Variants in AP3B1 observed in about 807,000 individuals in gnomAD.
AP3B1 encodes adaptor related protein complex 3 subunit beta 1.
In AP3B1, 61 loss-of-function variants were observed where a neutral mutation model predicts 132.5. The ratio of observed to expected loss-of-function variants is 0.46; its 90% CI spans 0.37 to 0.57. The LOEUF is 0.57. AP3B1 is among the 20% of genes least tolerant of loss of function. The pLI, the probability that AP3B1 is intolerant of heterozygous loss-of-function variation, is 0.00. For missense variants in AP3B1, 1,120 were observed against 1,289.4 expected, an observed-to-expected ratio of 0.87 and a Z score of 2.01; for synonymous variants, 388 against 438.3, an observed-to-expected ratio of 0.89 and a Z score of 1.43.
intron 22 of AP3B1, among the ~76,000 whole-genome samples, chr5:78,086,398 A>G (rs545070459): frequency 6.6e-6 from 1 of 152,324 alleles, no homozygotes; most frequent in Admixed American, 6.5e-5. Flanking sequence ...ATCATTTAAT[A>G]CCAACAACAA....
At chr5:78,053,673 C>A (rs1219593837) in intron 22 of AP3B1, among the ~76,000 whole-genome samples, 1 of 99,832 alleles carries the variant, frequency 1.0e-5, no homozygotes, top group Non-Finnish European at 2.0e-5. Context: ...AGCAAGACTC[C>A]ATCTCAAAAA....
At chr5:78,239,210 C>T (rs1747007656) in intron 3 of AP3B1, among the ~76,000 whole-genome samples, 1 of 152,050 alleles carries the variant, frequency 6.6e-6, no homozygotes, top group Non-Finnish European at 1.5e-5. Context: ...ATGGCTCATG[C>T]CTATAATCCC....
chr5:78,119,993 T>C (rs567928046), intron 17 of AP3B1, among the ~76,000 whole-genome samples: 8 of 152,298 alleles, frequency 5.3e-5, no homozygotes, highest in South Asian at 4.1e-4. Context: ...GCTGATCTCT[T>C]GGCAGAAACT....
At chr5:78,047,846 T>A (rs1748408107) in intron 22 of AP3B1, among the ~76,000 whole-genome samples, 1 of 152,228 alleles carries the variant, frequency 6.6e-6, no homozygotes, top group Non-Finnish European at 1.5e-5. Flanking sequence ...CATGAAATTG[T>A]TGCAAATTAA....
intron 11 of AP3B1, among the ~76,000 whole-genome samples, chr5:78,172,335 C>G (rs1201451060): frequency 6.6e-6 from 1 of 152,138 alleles, no homozygotes. Context: ...CTCTTTGTAC[C>G]TCTGGTAGAA....
intron 1 of AP3B1, among the ~76,000 whole-genome samples, chr5:78,275,523 T>G (rs1202671445): frequency 2.6e-5 from 4 of 152,160 alleles, no homozygotes; most frequent in Admixed American, 2.6e-4. Flanking sequence ...GTCACCAGGT[T>G]GGAGTGCAGT....
chr5:78,269,553 A>G (rs1033796317), intron 1 of AP3B1, among the ~76,000 whole-genome samples: 4 of 152,328 alleles, frequency 2.6e-5, no homozygotes, highest in African/African-American at 7.2e-5. Flanking sequence ...TATGTAGTGT[A>G]AATTACCTCT....
At chr5:78,038,884 GT>G (rs1270059989) in intron 23 of AP3B1, among the ~76,000 whole-genome samples, 158 bp downstream of exon 23, 21 of 152,248 alleles carry the variant, frequency 1.4e-4, no homozygotes, top group Middle Eastern at 3.4e-3. Context: ...GATAAATTCA[GT>G]TTAACAAGAA....
rs1377852153 is a variant in AP3B1, at chr5:78,175,848, A to C, written c.1041-10T>G. The C allele has an allele frequency of 6.2e-7, 1 of 1,604,188 alleles. No individual in the cohort carries two copies. Among genetic ancestry groups the C allele is most frequent in the Admixed American group, 1.7e-5 (1 of 60,010 alleles). On this transcript the variant is annotated splice_polypyrimidine_tract_variant and intron_variant, in intron 9 of 26. Transcript: ENST00000255194. ...AATATACTGCACCTCCCTAGAAATCAAAAGATAATTTTTACTGGGTATATG... is the reference window on the plus strand; with the variant it reads ...AATATACTGCACCTCCCTAGAAATCCAAAGATAATTTTTACTGGGTATATG...
At chr5:78,079,526 A>C (rs1749902703) in intron 22 of AP3B1, among the ~76,000 whole-genome samples, 2 of 152,178 alleles carry the variant, frequency 1.3e-5, no homozygotes, top group African/African-American at 2.4e-5. Context: ...GGTATATACA[A>C]AGATTGATTT....
intron 7 of AP3B1, among the ~76,000 whole-genome samples, chr5:78,195,891 T>G (rs576924771): frequency 6.6e-6 from 1 of 152,218 alleles, no homozygotes; most frequent in African/African-American, 2.4e-5. Flanking sequence ...TAACTCAAAA[T>G]GGGTCACAGA....
intron 17 of AP3B1, among the ~76,000 whole-genome samples, chr5:78,117,508 C>G (rs1751908677): frequency 1.3e-5 from 2 of 152,028 alleles, no homozygotes; most frequent in Admixed American, 6.6e-5. Flanking sequence ...CAGGATTTCA[C>G]TATGTTGCCC....
intron 7 of AP3B1, among the ~76,000 whole-genome samples, chr5:78,183,065 C>G (rs1320908177): frequency 6.6e-6 from 1 of 152,208 alleles, no homozygotes; most frequent in Non-Finnish European, 1.5e-5. Flanking sequence ...CCGCCCACAC[C>G]CTGGTGGTTG....
intron 25 of AP3B1, among the ~76,000 whole-genome samples, chr5:78,019,046 CA>C (rs1250709281): frequency 3.9e-5 from 6 of 152,122 alleles, no homozygotes; most frequent in African/African-American, 1.4e-4. Context: ...CAAGGATTTA[CA>C]AATACTTCAT....
intron 17 of AP3B1, 113 bp downstream of exon 17, chr5:78,127,917 T>TA: frequency 8.0e-7 from 1 of 1,249,032 alleles, no homozygotes; most frequent in Non-Finnish European, 1.2e-6. Flanking sequence ...CATTTAGAAA[T>TA]ACTAGAACAA....
intron 18 of AP3B1, 148 bp downstream of exon 18, chr5:78,115,978 G>C (rs544919780): frequency 2.9e-6 from 2 of 696,026 alleles, no homozygotes; most frequent in South Asian, 1.5e-5. Context: ...GAAAACTAAA[G>C]AGTGATATAT....
rs1580308890 is a variant in AP3B1, at chr5:78,070,611, G to A, written c.2577+18782C>T. The stretch of plus-strand genomic sequence containing the variant: ...TGCACAGCAAAAGAAACTATCATCA[G>A]GGTGAACAAGCAACCTACAGAGTGG... On this transcript the variant is annotated intron_variant, in intron 22 of 26. Coordinates refer to ENST00000255194, the MANE Select transcript of AP3B1 (RefSeq NM_003664.5). Among the ~76,000 whole-genome samples the A allele has an allele frequency of 2.6e-5, 4 of 152,030 alleles. 1 individual carries two copies. The South Asian group carries it at 8.3e-4, about 32-fold the overall frequency.
chr5:78,049,250 T>C (rs980698630), intron 22 of AP3B1, among the ~76,000 whole-genome samples: 9 of 152,166 alleles, frequency 5.9e-5, no homozygotes, highest in Admixed American at 5.2e-4. Context: ...CTTGGGCATC[T>C]TGGGGAGAAA....
At chr5:78,124,768 T>C (rs771651364) in intron 17 of AP3B1, among the ~76,000 whole-genome samples, 16 of 152,314 alleles carry the variant, frequency 1.1e-4, no homozygotes, top group South Asian at 6.2e-4. Context: ...TCTCTTATAT[T>C]TGGTAAACTC....
Sources: gnomAD v4.1 joint callset for allele counts (sites outside exome capture counted in the v4.1 genomes callset) on GRCh38, gnomAD v4.1.1 for gene constraint, MANE v1.5 for transcripts, NCBI Gene and HGNC (gene_info 2026-07-23, HGNC 2026-07-21) for gene names.